Variants in TCF12 observed in about 807,000 individuals in gnomAD.
TCF12 encodes the protein DNA-binding protein HTF4.
Under a neutral mutation model 86.0 loss-of-function variants are expected in TCF12, and 45 were observed. The ratio of observed to expected loss-of-function variants is 0.52; its 90% CI spans 0.41 to 0.67. The LOEUF is 0.67. Among genes scored for constraint, TCF12 ranks in the 30% least tolerant of loss-of-function variants. TCF12 has a pLI of 0.00. For synonymous variants in TCF12, 330 were observed against 299.6 expected, an observed-to-expected ratio of 1.10 and a Z score of -1.05; for missense variants, 881 against 859.9, an observed-to-expected ratio of 1.02 and a Z score of -0.31.
At chr15:57,146,015 T>TAG (rs1310284138) in intron 5 of TCF12, among the ~76,000 whole-genome samples, 2 of 152,302 alleles carry the variant, frequency 1.3e-5, no homozygotes, top group Non-Finnish European at 2.9e-5. Flanking sequence ...ATATTACACT[T>TAG]TGAGTGGAGT....
chr15:57,286,850 C>A lies in TCF12; in HGVS notation c.*705C>A, dbSNP rs915945243. The A allele has an allele frequency of 2.7e-6, 1 of 368,572 alleles. No homozygotes were observed. The highest frequency in any genetic ancestry group is 2.1e-5 in the African/African-American group (1 of 46,934). The allele number at this position is 368,572 out of a possible 1,614,324, so 22.8% of individuals were successfully genotyped here. A position where few individuals can be genotyped will look rare whatever the true frequency, so the allele number is the denominator to read the frequency against. On this transcript the variant is annotated 3_prime_UTR_variant, in exon 21 of 21. Coordinates refer to ENST00000333725, the MANE Select transcript of TCF12 (RefSeq NM_207037.2). ...GTTATATTTGATCTCTAAATCTGAACAGTTTATGGTCACAGTCCAGCCTCC... is the reference window on the plus strand; with the variant it reads ...GTTATATTTGATCTCTAAATCTGAAAAGTTTATGGTCACAGTCCAGCCTCC...
At chr15:56,983,630 A>C (rs1210950105) in intron 3 of TCF12, among the ~76,000 whole-genome samples, 1 of 152,118 alleles carries the variant, frequency 6.6e-6, no homozygotes, top group Non-Finnish European at 1.5e-5. Flanking sequence ...ACTAATATGC[A>C]TTTCAGTTCA....
At chr15:56,991,077 C>T (rs977064946) in intron 3 of TCF12, among the ~76,000 whole-genome samples, 2 of 151,890 alleles carry the variant, frequency 1.3e-5, no homozygotes, top group African/African-American at 2.4e-5. Context: ...ATTACAGACG[C>T]GAGCCACTGT....
chr15:57,019,453 T>C (rs1205631322), intron 3 of TCF12, among the ~76,000 whole-genome samples: 3 of 152,150 alleles, frequency 2.0e-5, no homozygotes, highest in Non-Finnish European at 4.4e-5. Context: ...GAGTTTATTA[T>C]TACTCAAATC....
intron 14 of TCF12, among the ~76,000 whole-genome samples, chr15:57,251,906 GA>G (rs530031274): frequency 6.6e-6 from 1 of 151,552 alleles, no homozygotes; most frequent in Non-Finnish European, 1.5e-5. Context: ...TTTTCTTATG[GA>G]AAAAAAAGTA....
chr15:57,031,687 C>G (rs923835458), intron 3 of TCF12, among the ~76,000 whole-genome samples: 1 of 152,148 alleles, frequency 6.6e-6, no homozygotes, highest in African/African-American at 2.4e-5. Flanking sequence ...CCTCCATGAT[C>G]CATTTCAGTA....
In TCF12 at chr15:57,233,069, ATG is replaced by A. The variant is rs66793854; in HGVS notation, c.970+219_970+220del. Among the ~76,000 whole-genome samples, 57,775 of 148,200 alleles carry A rather than the reference ATG, an allele frequency of 0.39. 14,085 individuals are homozygous for A. Among genetic ancestry groups the A allele is most frequent in the Non-Finnish European group, 0.54 (36,419 of 67,236 alleles). On this transcript the variant is annotated intron_variant, in intron 11 of 20. Transcript: ENST00000333725. ...ATATGTATATGTGTTATATATGTAT[ATG>A]TGTGTTTTTTATATATGTATATATA...
chr15:57,019,108 A>G (rs186433362), intron 3 of TCF12, among the ~76,000 whole-genome samples: 2 of 152,322 alleles, frequency 1.3e-5, no homozygotes, highest in East Asian at 1.9e-4. Flanking sequence ...TTAGGAATCA[A>G]CCTAACAAGA....
At chr15:57,234,147 C>G (rs1471181256) in intron 12 of TCF12, 40 bp downstream of exon 12, 1 of 1,469,686 alleles carries the variant, frequency 6.8e-7, no homozygotes, top group African/African-American at 1.4e-5. Context: ...ATGAATTTTA[C>G]ACTACTGAAT....
At chr15:57,169,487 C>A (rs963678358) in intron 6 of TCF12, among the ~76,000 whole-genome samples, 2 of 152,162 alleles carry the variant, frequency 1.3e-5, no homozygotes, top group East Asian at 3.8e-4. Context: ...TTAGCCATTT[C>A]TGCTTCTGCC....
chr15:57,124,760 C>G (rs1431666863), intron 5 of TCF12, among the ~76,000 whole-genome samples: 2 of 151,982 alleles, frequency 1.3e-5, no homozygotes, highest in South Asian at 2.1e-4. Context: ...TCACTGCAAG[C>G]TCCGTCTCCC....
rs112332796 is a variant in TCF12, at chr15:57,281,101, A to G, written c.1979-1344A>G. On this transcript the variant is annotated intron_variant, in intron 19 of 20. Transcript: ENST00000333725. ...CCTTTATTTCTCACAGTAGCACCCT[A>G]TTCTTTTTTTTTTTTTTTTTGAGAC... Among the ~76,000 whole-genome samples, 175 of 98,250 alleles carry G rather than the reference A, an allele frequency of 1.8e-3. 4 individuals carry two copies. Among genetic ancestry groups the G allele is most frequent in the African/African-American group, 5.9e-3 (172 of 29,130 alleles). The allele number at this position is 98,250 out of a possible 152,430, so 64.5% of individuals were successfully genotyped here.
At position 57,235,796 on chromosome 15, in the gene TCF12, G is replaced by T. The variant is rs373081267; in HGVS notation, c.1035+1689G>T. On this transcript the variant is annotated intron_variant, in intron 12 of 20. Coordinates refer to ENST00000333725, the MANE Select transcript of TCF12 (RefSeq NM_207037.2). ...ATTTTGGGGGCTTTTTTTCTCAAAG[G>T]TCATTTGTTTGTTTTATTAAAGAAA... 3.0e-4 allele frequency among the ~76,000 whole-genome samples: 46 copies of T among 152,068 alleles called. No homozygotes were observed. The East Asian group carries it at 4.6e-3, about 15-fold the overall frequency.
intron 5 of TCF12, among the ~76,000 whole-genome samples, chr15:57,155,417 G>A (rs1185468822): frequency 1.3e-5 from 2 of 152,110 alleles, no homozygotes. Context: ...TCAAACATAG[G>A]ATGGCAGTAA....
In TCF12 at chr15:57,067,029, T is replaced by C. The variant is rs2585113; in HGVS notation, c.222+3206T>C. 8.4e-3 allele frequency among the ~76,000 whole-genome samples: 1,282 copies of C among 152,312 alleles called. 26 individuals are homozygous for C. Among genetic ancestry groups the C allele is most frequent in the African/African-American group, 0.029 (1,216 of 41,568 alleles). ...ATGTATTAAGCGGTCACAAACTTCT[T>C]ATCTCTGTGTTAGGCTTATCCCCAT... is the stretch of plus-strand genomic sequence containing the variant. On this transcript the variant is annotated intron_variant, in intron 4 of 20. Coordinates refer to ENST00000333725, the MANE Select transcript of TCF12 (RefSeq NM_207037.2).
intron 6 of TCF12, among the ~76,000 whole-genome samples, chr15:57,185,414 A>G (rs2056609332): frequency 6.6e-6 from 1 of 152,242 alleles, no homozygotes; most frequent in African/African-American, 2.4e-5. Context: ...GTAAATACCT[A>G]CATTTAAGAA....
intron 7 of TCF12, among the ~76,000 whole-genome samples, chr15:57,197,291 G>A (rs1274664484): frequency 2.0e-5 from 3 of 151,100 alleles, no homozygotes; most frequent in African/African-American, 7.3e-5. Context: ...CGAGTCGCTG[G>A]GATTACAGGC....
intron 3 of TCF12, among the ~76,000 whole-genome samples, chr15:56,944,917 T>A (rs2060930653): frequency 6.6e-6 from 1 of 152,178 alleles, no homozygotes. Flanking sequence ...CTATTAAGCC[T>A]GCTGGGATTT....
rs2059768768 is a variant in TCF12 at position 56,921,045 on chromosome 15, A to G, written c.95A>G (p.Asn32Ser). 9.4e-6 allele frequency: 15 copies of G among 1,603,550 alleles called. No individual in the cohort carries two copies. Among genetic ancestry groups the G allele is most frequent in the East Asian group, 4.5e-5 (2 of 44,354 alleles). ...DFSAMFSPPV[N>S]SGKTRPTTLG... is the part of the protein sequence containing the mutation. ...TTGCAGATGTTTTCCCCACCTGTTA[A>G]TAGTGGGAAAACTAGACCAACTACA... The change falls in exon 3 of 21, where the codon AAT (asparagine) becomes AGT (serine). Residue 32 changes from asparagine to serine, a missense_variant. Asn to Ser is a conservative substitution (Grantham distance 46). Transcript: ENST00000333725.
Sources: gnomAD v4.1 joint callset for allele counts (sites outside exome capture counted in the v4.1 genomes callset) on GRCh38, gnomAD v4.1.1 for gene constraint, MANE v1.5 for transcripts, NCBI Gene and HGNC (gene_info 2026-07-23, HGNC 2026-07-21) for gene names.